NBPF12: variants seen among roughly 807,000 people sequenced by gnomAD.
NBPF12 encodes the protein NBPF family member NBPF12.
NBPF12 carries 115 observed loss-of-function variants against 146.4 expected under a neutral mutation model. The ratio of observed to expected loss-of-function variants is 0.79; its 90% CI spans 0.68 to 0.92. NBPF12 has a LOEUF of 0.92. NBPF12 is among the 40% of genes least tolerant of loss of function. The pLI is 0.00. For missense variants in NBPF12, 1,205 were observed against 1,326.8 expected (o/e 0.91, Z 1.43); for synonymous variants, 385 against 508.9 (o/e 0.76, Z 3.28).
intron 1 of NBPF12, among the ~76,000 whole-genome samples, chr1:146,939,222 CG>C (rs1242231525): frequency 6.6e-6 from 1 of 152,004 alleles, no homozygotes; most frequent in Non-Finnish European, 1.5e-5. Context: ...AACTCCCTGG[CG>C]GGTGTTCTGT....
At chr1:146,942,958 A>G (rs11805847) in intron 1 of NBPF12, among the ~76,000 whole-genome samples, 10,941 of 129,020 alleles carry the variant, frequency 0.085, 668 homozygotes, top group Admixed American at 0.16. Context: ...GCTGGAGTGC[A>G]GTGGTGCCAT....
chr1:146,961,112 C>T (rs1394963134), intron 4 of NBPF12, among the ~76,000 whole-genome samples: 1 of 152,018 alleles, frequency 6.6e-6, no homozygotes, highest in Non-Finnish European at 1.5e-5. Flanking sequence ...CACTATTGCA[C>T]TCCAGCATGG....
chr1:146,956,620 C>A (rs1159959757), intron 2 of NBPF12, among the ~76,000 whole-genome samples: 2 of 151,858 alleles, frequency 1.3e-5, no homozygotes, highest in Non-Finnish European at 2.9e-5. Flanking sequence ...ACATGCTTAA[C>A]AACACATGCA....
chr1:146,961,190 AAGC>A, intron 4 of NBPF12, among the ~76,000 whole-genome samples: 2 of 151,888 alleles, frequency 1.3e-5, no homozygotes, highest in Non-Finnish European at 2.9e-5. Flanking sequence ...TAAAAATAAA[AAGC>A]AGAGAGTACC....
rs1439144352 is a variant in NBPF12 at position 146,943,494 on chromosome 1, A to C, written c.-618A>C. The C allele has an allele frequency of 7.4e-6, 10 of 1,347,654 alleles. No homozygotes were observed. The East Asian group carries it at 2.7e-4, about 36-fold the overall frequency. 83.5% of individuals were successfully genotyped at this position (1,347,654 alleles called of 1,614,324 possible). A position where few individuals can be genotyped will look rare whatever the true frequency, so the allele number is the denominator to read the frequency against. ...CTCCGAGGCACCGATGTAGAAACTT[A>C]CCCATTCAGTGCACCAAGAGCAGCC... On this transcript the variant is annotated 5_prime_UTR_variant, in exon 2 of 36. Coordinates refer to the NBPF12 transcript ENST00000617931.
At chr1:146,970,820 T>A in intron 12 of NBPF12, 101 bp downstream of exon 15, 5 of 1,104,420 alleles carry the variant, frequency 4.5e-6, no homozygotes, top group Non-Finnish European at 7.0e-6. Flanking sequence ...AAGCCCGCAT[T>A]CCCTTGGCCA....
upstream of NBPF12, among the ~76,000 whole-genome samples, chr1:146,945,560 T>C (rs1194183816): frequency 5.3e-5 from 8 of 151,390 alleles, no homozygotes; most frequent in Admixed American, 5.3e-4. Context: ...TGCCAAGTAC[T>C]AACCAAACAA....
At chr1:146,960,581 T>C (rs1655786419) in intron 4 of NBPF12, among the ~76,000 whole-genome samples, 2 of 152,062 alleles carry the variant, frequency 1.3e-5, no homozygotes, top group Admixed American at 6.5e-5. Flanking sequence ...CAGAATGACC[T>C]GTTTTCTCCA....
chr1:146,972,169 T>C (rs1423824434), intron 13 of NBPF12, among the ~76,000 whole-genome samples: 2 of 149,984 alleles, frequency 1.3e-5, no homozygotes, highest in Non-Finnish European at 2.9e-5. Context: ...CGGAGGTAGG[T>C]GGAACACCTG....
exon 12 of NBPF12, chr1:146,970,653 A>T: frequency 6.6e-7 from 1 of 1,514,660 alleles, no homozygotes; most frequent in Non-Finnish European, 9.2e-7. Flanking sequence ...ATAGAAAATG[A>T]TGAAGATGAG....
exon 34 of NBPF12, chr1:146,994,919 T>G (rs1334847027): frequency 2.6e-6 from 1 of 388,274 alleles, no homozygotes; most frequent in Non-Finnish European, 4.8e-6. Context: ...TCAAGGTCAG[T>G]GTCATCTTTG....
chr1:146,994,050 C>G (rs1658347133), intron 33 of NBPF12, among the ~76,000 whole-genome samples: 1 of 103,926 alleles, frequency 9.6e-6, no homozygotes, highest in Non-Finnish European at 1.8e-5. Flanking sequence ...TCCTTTGACT[C>G]CCTTACCAGT....
intron 20 of NBPF12, chr1:146,983,464 G>C: frequency 7.6e-6 from 3 of 397,234 alleles, no homozygotes; most frequent in South Asian, 4.9e-5. Context: ...TATGAGTTTT[G>C]TTCCCAAAGC....
intron 1 of NBPF12, among the ~76,000 whole-genome samples, chr1:146,941,125 C>T (rs1219306508): frequency 6.6e-6 from 1 of 150,730 alleles, no homozygotes; most frequent in Non-Finnish European, 1.5e-5. Context: ...ACTCTGTTGC[C>T]CAGGCTGGAG....
chr1:146,966,951 G>A (rs1656250709), intron 9 of NBPF12, among the ~76,000 whole-genome samples: 1 of 150,636 alleles, frequency 6.6e-6, no homozygotes, highest in Admixed American at 6.6e-5. Context: ...TCTCCAAGAG[G>A]CTCAATCGTG....
At chr1:146,987,675 T>TTC (rs202172679) in intron 25 of NBPF12, among the ~76,000 whole-genome samples, 3,079 of 148,830 alleles carry the variant, frequency 0.021, no homozygotes, top group African/African-American at 0.073. Flanking sequence ...TGAGCTCGTT[T>TTC]TCTCTCTCTC....
At chr1:146,972,517 A>G in intron 13 of NBPF12, among the ~76,000 whole-genome samples, 1 of 151,756 alleles carries the variant, frequency 6.6e-6, no homozygotes. Context: ...GCTTTATAGA[A>G]ACTTATAAGC....
In NBPF12 at chr1:146,984,874, T is replaced by A. The variant is rs1480727245; in HGVS notation, c.2728T>A (p.Cys910Ser). 6 of 1,571,674 alleles carry A rather than the reference T, an allele frequency of 3.8e-6. No individual in the cohort carries two copies. The East Asian group carries it at 6.7e-5, about 18-fold the overall frequency. ...AGTCTTGCAGGACTCACTGGATAGATGTTATTCAACTCCTTCAGTTTATCT... is the reference window on the plus strand; with the variant it reads ...AGTCTTGCAGGACTCACTGGATAGAAGTTATTCAACTCCTTCAGTTTATCT... Residue 910 changes from cysteine (C) to serine (S), a missense_variant, in exon 22 of 34, where the codon TGT (cysteine) becomes AGT (serine). By Grantham distance (112) the Cys-to-Ser change is moderately radical (BLOSUM62 -1). Coordinates refer to ENST00000617844, the Ensembl canonical transcript of NBPF12.
In NBPF12 at chr1:146,990,811, C is replaced by T. The variant is rs1325556617; in HGVS notation, c.3623+294C>T. 2.9e-5 allele frequency among the ~76,000 whole-genome samples: 3 copies of T among 102,320 alleles called. 1 individual carries two copies. The highest frequency in any genetic ancestry group is 1.2e-4 in the Admixed American group (1 of 8,298). 67.1% of individuals were successfully genotyped at this position (102,320 alleles called of 152,430 possible). ...GCCCACTGTTTTCATGATCACTGTTCGCTGTGTGTCCCGAGGGCACTAAAT... is the reference window on the plus strand; with the variant it reads ...GCCCACTGTTTTCATGATCACTGTTTGCTGTGTGTCCCGAGGGCACTAAAT... On this transcript the variant is annotated intron_variant, in intron 29 of 33. Coordinates refer to ENST00000617844, the Ensembl canonical transcript of NBPF12.
Sources: allele counts gnomAD v4.1 joint callset (sites outside exome capture counted in the v4.1 genomes callset), GRCh38; gene constraint gnomAD v4.1.1; transcripts MANE v1.5; gene names NCBI Gene and HGNC (gene_info 2026-07-23, HGNC 2026-07-21).